The following CLVS1 variants were observed in gnomAD, a reference collection of about 807,000 sequenced individuals.
The protein encoded by CLVS1 is clavesin-1.
CLVS1 carries 10 observed loss-of-function variants against 33.1 expected under a neutral mutation model. The observed-to-expected ratio is 0.30, with a 90% CI of 0.19 to 0.51. CLVS1 has a LOEUF of 0.51. CLVS1 is among the 20% of genes least tolerant of loss of function. The pLI, the probability that CLVS1 is intolerant of heterozygous loss-of-function variation, is 0.97. For synonymous variants in CLVS1, 163 were observed against 166.1 expected (o/e 0.98, Z 0.14); for missense variants, 343 against 433.4 (o/e 0.79, Z 1.85).
chr8:61,177,790 C>T (rs1276232191), intron 2 of CLVS1, among the ~76,000 whole-genome samples: 1 of 141,240 alleles, frequency 7.1e-6, no homozygotes, highest in Non-Finnish European at 1.5e-5. Context: ...CGGAAAGAAA[C>T]AACAACAGCA....
intron 1 of CLVS1, among the ~76,000 whole-genome samples, chr8:61,122,801 C>CAAATAAA (rs1554537391): frequency 6.8e-6 from 1 of 146,522 alleles, no homozygotes; most frequent in African/African-American, 2.5e-5. Flanking sequence ...AGCTTCAATC[C>CAAATAAA]TTTCCCAGCT....
At chr8:60,970,297 C>G in the CLVS1 span, among the ~76,000 whole-genome samples, 1 of 152,226 alleles carries the variant, frequency 6.6e-6, no homozygotes, top group Non-Finnish European at 1.5e-5. Context: ...GAGCCCTCTG[C>G]TGAGCTCTCC....
rs1455876161 is a variant in CLVS1, at chr8:61,361,002, GA to G, written c.456-15601del. On this transcript the variant is annotated intron_variant, in intron 2 of 5. Transcript: ENST00000325897. Reference sequence around the variant, plus strand: ...CCTCAGGAAACTTACAATCATGGTGGAAGGTGAAAGGAAAGCAGGCACATCT... The same window carrying G: ...CCTCAGGAAACTTACAATCATGGTGGAGGTGAAAGGAAAGCAGGCACATCT... 3.3e-5 allele frequency among the ~76,000 whole-genome samples: 5 copies of G among 152,186 alleles called. No homozygotes were observed. The East Asian group carries it at 7.7e-4, about 23-fold the overall frequency.
chr8:60,980,454 T>C, the CLVS1 span, among the ~76,000 whole-genome samples: 2 of 152,150 alleles, frequency 1.3e-5, no homozygotes, highest in African/African-American at 2.4e-5. Flanking sequence ...CCCAAAGATA[T>C]CAGGTTCTAA....
intron 2 of CLVS1, among the ~76,000 whole-genome samples, chr8:61,259,674 C>T (rs1809157721): frequency 6.6e-6 from 1 of 152,236 alleles, no homozygotes; most frequent in Admixed American, 6.5e-5. Context: ...GCACATGCAG[C>T]AGCATCTATG....
At chr8:61,425,667 G>T (rs1200623146) in intron 3 of CLVS1, among the ~76,000 whole-genome samples, 1 of 152,082 alleles carries the variant, frequency 6.6e-6, no homozygotes, top group Non-Finnish European at 1.5e-5. Flanking sequence ...TATCTTAAAG[G>T]CTTTGTTTAA....
upstream of CLVS1, among the ~76,000 whole-genome samples, chr8:61,285,100 T>C (rs757652125): frequency 6.6e-6 from 1 of 152,036 alleles, no homozygotes; most frequent in Non-Finnish European, 1.5e-5. Context: ...AAAAAAAGTC[T>C]GTGGAGCCTT....
At chr8:61,138,367 G>A (rs1177348064) in intron 2 of CLVS1, among the ~76,000 whole-genome samples, 1 of 152,236 alleles carries the variant, frequency 6.6e-6, no homozygotes, top group African/African-American at 2.4e-5. Flanking sequence ...GAGTTAGGCT[G>A]TGGCCTGCTA....
At chr8:61,396,791 TATGC>T (rs1814545779) in intron 3 of CLVS1, among the ~76,000 whole-genome samples, 1 of 152,218 alleles carries the variant, frequency 6.6e-6, no homozygotes. Context: ...AATCATACAA[TATGC>T]GGTCCTTTGT....
chr8:61,468,404 A>G (rs1817627178), intron 5 of CLVS1, among the ~76,000 whole-genome samples: 1 of 152,180 alleles, frequency 6.6e-6, no homozygotes, highest in South Asian at 2.1e-4. Flanking sequence ...TATCATAGCT[A>G]AGGTACTGAG....
At chr8:61,108,238 T>TA (rs778625762) in intron 1 of CLVS1, among the ~76,000 whole-genome samples, 19 of 134,740 alleles carry the variant, frequency 1.4e-4, no homozygotes, top group African/African-American at 2.8e-4. Flanking sequence ...AAAAAAACCA[T>TA]AAAAAAAAAA....
intron 2 of CLVS1, among the ~76,000 whole-genome samples, chr8:61,340,092 A>AAAAGAAAGGAAAGAAAGAT (rs1811975053): frequency 6.6e-6 from 1 of 151,978 alleles, no homozygotes; most frequent in South Asian, 2.1e-4. Context: ...GAAAGAAAGA[A>AAAAGAAAGGAAAGAAAGAT]AAAGAAAGAA....
At chr8:61,080,418 T>C (rs1805000464) in intron 1 of CLVS1, among the ~76,000 whole-genome samples, 1 of 152,174 alleles carries the variant, frequency 6.6e-6, no homozygotes, top group Non-Finnish European at 1.5e-5. Context: ...GGAGAGTTGG[T>C]AAACACATAG....
At chr8:61,162,639 C>G (rs1806775316) in intron 2 of CLVS1, among the ~76,000 whole-genome samples, 2 of 152,188 alleles carry the variant, frequency 1.3e-5, no homozygotes, top group Non-Finnish European at 2.9e-5. Flanking sequence ...TATAGCAACT[C>G]CAGTGTATTT....
At chr8:61,005,174 A>T in the CLVS1 span, among the ~76,000 whole-genome samples, 2 of 152,196 alleles carry the variant, frequency 1.3e-5, no homozygotes, top group Non-Finnish European at 2.9e-5. Context: ...ACATGAGTAG[A>T]TTGCGGATTG....
At chr8:60,990,915 T>C in the CLVS1 span, among the ~76,000 whole-genome samples, 8 of 152,260 alleles carry the variant, frequency 5.3e-5, no homozygotes, top group African/African-American at 9.6e-5. Context: ...TTTCACCATG[T>C]TGGCCAGGCT....
At chr8:61,438,165 C>G (rs919022610) in intron 3 of CLVS1, among the ~76,000 whole-genome samples, 1 of 152,174 alleles carries the variant, frequency 6.6e-6, no homozygotes, top group Non-Finnish European at 1.5e-5. Context: ...TTTCCTGATG[C>G]TCTCTGCTCG....
intron 2 of CLVS1, among the ~76,000 whole-genome samples, chr8:61,356,858 G>A (rs527687627): frequency 5.9e-5 from 9 of 152,304 alleles, no homozygotes; most frequent in African/African-American, 1.9e-4. Flanking sequence ...GATGCCTCCA[G>A]CTTTGTTCTT....
At chr8:61,045,434 T>C in the CLVS1 span, among the ~76,000 whole-genome samples, 1 of 152,178 alleles carries the variant, frequency 6.6e-6, no homozygotes, top group Non-Finnish European at 1.5e-5. Context: ...AGTGTGGCAG[T>C]GTGCAGACAA....
Sources: allele counts gnomAD v4.1 joint callset (sites outside exome capture counted in the v4.1 genomes callset), GRCh38; gene constraint gnomAD v4.1.1; transcripts MANE v1.5; gene names NCBI Gene and HGNC (gene_info 2026-07-23, HGNC 2026-07-21).